Variants in ZCWPW2 observed in about 807,000 individuals in gnomAD.
The protein encoded by ZCWPW2 is zinc finger CW-type and PWWP domain containing 2.
ZCWPW2 carries 45 observed loss-of-function variants against 46.6 expected under a neutral mutation model. That is an observed-to-expected ratio of 0.96 (90% CI 0.76 to 1.24). The LOEUF is 1.24. ZCWPW2 is among the 50% of genes most tolerant of loss of function. The probability of loss-of-function intolerance (pLI) is 0.00; values close to 1 mark genes in which losing one functional copy is unlikely to be tolerated. For missense variants in ZCWPW2, 429 were observed against 403.9 expected, an observed-to-expected ratio of 1.06 and a Z score of -0.53; for synonymous variants, 152 against 137.1, an observed-to-expected ratio of 1.11 and a Z score of -0.76.
chr3:28,491,203 G>A (rs1356349756), intron 5 of ZCWPW2, among the ~76,000 whole-genome samples: 1 of 152,066 alleles, frequency 6.6e-6, no homozygotes, highest in Non-Finnish European at 1.5e-5. Context: ...GAGAGAAAGG[G>A]TGTTCCAGAA....
chr3:28,489,823 T>G (rs1334975018), intron 5 of ZCWPW2, among the ~76,000 whole-genome samples: 2 of 152,092 alleles, frequency 1.3e-5, no homozygotes, highest in African/African-American at 4.8e-5. Flanking sequence ...AATATTCTAG[T>G]GAGGTAATCA....
At chr3:28,411,788 TA>T (rs1489433674) in intron 2 of ZCWPW2, among the ~76,000 whole-genome samples, 1 of 152,090 alleles carries the variant, frequency 6.6e-6, no homozygotes, top group African/African-American at 2.4e-5. Flanking sequence ...TTAAACACAT[TA>T]AAACAAATAT....
At chr3:28,369,101 C>T (rs957707637) in intron 1 of ZCWPW2, among the ~76,000 whole-genome samples, 6 of 151,996 alleles carry the variant, frequency 3.9e-5, no homozygotes, top group Non-Finnish European at 1.5e-5. Context: ...GTGATGGGTT[C>T]GAACTTCCTC....
intron 6 of ZCWPW2, among the ~76,000 whole-genome samples, chr3:28,496,181 G>A (rs1470707966): frequency 1.3e-5 from 2 of 151,990 alleles, no homozygotes; most frequent in Non-Finnish European, 2.9e-5. Context: ...AAAGGTAAAA[G>A]TGTAGTTACC....
chr3:28,491,983 G>A, intron 5 of ZCWPW2, 144 bp from the exon 6 acceptor site: 1 of 726,140 alleles, frequency 1.4e-6, no homozygotes, highest in East Asian at 3.0e-5. Flanking sequence ...CAGTTTACTA[G>A]CATATTAATT....
At chr3:28,385,887 T>C (rs1369054220) in intron 1 of ZCWPW2, among the ~76,000 whole-genome samples, 1 of 152,194 alleles carries the variant, frequency 6.6e-6, no homozygotes, top group African/African-American at 2.4e-5. Context: ...TAACGTAACC[T>C]TTTATTTTCT....
chr3:28,356,222 G>C (rs1472859111), intron 1 of ZCWPW2, among the ~76,000 whole-genome samples: 1 of 152,108 alleles, frequency 6.6e-6, no homozygotes, highest in African/African-American at 2.4e-5. Flanking sequence ...AAAAGAAGAC[G>C]TTTATGCAGC....
At chr3:28,420,304 C>T (rs1291548405) in intron 3 of ZCWPW2, among the ~76,000 whole-genome samples, 1 of 151,914 alleles carries the variant, frequency 6.6e-6, no homozygotes, top group African/African-American at 2.4e-5. Flanking sequence ...CTACACACTG[C>T]TTTGAATGTG....
intron 4 of ZCWPW2, among the ~76,000 whole-genome samples, chr3:28,444,437 G>A (rs780090634): frequency 5.3e-5 from 8 of 152,134 alleles, no homozygotes; most frequent in Non-Finnish European, 1.0e-4. Context: ...AGGCAGAAAG[G>A]ATGATGGCAG....
intron 3 of ZCWPW2, among the ~76,000 whole-genome samples, chr3:28,424,498 G>T (rs1464822079): frequency 6.6e-6 from 1 of 152,076 alleles, no homozygotes; most frequent in Admixed American, 6.6e-5. Context: ...GAGGAGATTA[G>T]AACACAGACG....
At chr3:28,447,327 T>C (rs1431225734) in intron 4 of ZCWPW2, among the ~76,000 whole-genome samples, 1 of 152,132 alleles carries the variant, frequency 6.6e-6, no homozygotes, top group African/African-American at 2.4e-5. Context: ...AGGATTTATC[T>C]TGGAATGTAA....
intron 5 of ZCWPW2, among the ~76,000 whole-genome samples, chr3:28,481,993 G>A (rs1003126931): frequency 2.0e-5 from 3 of 151,936 alleles, no homozygotes; most frequent in African/African-American, 7.3e-5. Flanking sequence ...ACACTGACAC[G>A]TCATTGTCAC....
chr3:28,409,626 C>G (rs1696316699), intron 2 of ZCWPW2, among the ~76,000 whole-genome samples: 1 of 152,106 alleles, frequency 6.6e-6, no homozygotes, highest in South Asian at 2.1e-4. Context: ...TGGATTAAAG[C>G]ATTCTGTTAT....
intron 3 of ZCWPW2, among the ~76,000 whole-genome samples, chr3:28,427,641 G>C (rs1432969459): frequency 6.6e-6 from 1 of 152,056 alleles, no homozygotes; most frequent in Non-Finnish European, 1.5e-5. Flanking sequence ...GGTCGTCTCT[G>C]TTTTTATTTA....
chr3:28,464,584 A>C (rs1197796018), intron 4 of ZCWPW2, among the ~76,000 whole-genome samples: 1 of 152,138 alleles, frequency 6.6e-6, no homozygotes, highest in Non-Finnish European at 1.5e-5. Flanking sequence ...AAGACAAATA[A>C]ATATATTTTC....
intron 5 of ZCWPW2, among the ~76,000 whole-genome samples, chr3:28,489,304 G>A (rs758578514): frequency 8.6e-5 from 13 of 151,656 alleles, no homozygotes; most frequent in Non-Finnish European, 1.8e-4. Context: ...CCTTATTAGA[G>A]GTTTTCAAAA....
intron 4 of ZCWPW2, 45 bp from the exon 5 acceptor site, chr3:28,478,769 A>G (rs1220743541): frequency 8.7e-6 from 9 of 1,036,834 alleles, no homozygotes; most frequent in African/African-American, 1.7e-5. Flanking sequence ...AAACAAAGTT[A>G]TATATTTAAA....
intron 2 of ZCWPW2, among the ~76,000 whole-genome samples, chr3:28,405,936 G>T (rs1696140324): frequency 6.6e-6 from 1 of 152,164 alleles, no homozygotes; most frequent in Non-Finnish European, 1.5e-5. Context: ...TTCTCAGATG[G>T]AAATAGGAAC....
intron 1 of ZCWPW2, among the ~76,000 whole-genome samples, chr3:28,380,700 T>A (rs1695014707): frequency 6.6e-6 from 1 of 151,766 alleles, no homozygotes; most frequent in African/African-American, 2.4e-5. Context: ...GGTTGAAATC[T>A]TAGTAGTCAA....
Sources: gnomAD v4.1 joint callset for allele counts (sites outside exome capture counted in the v4.1 genomes callset) on GRCh38, gnomAD v4.1.1 for gene constraint, MANE v1.5 for transcripts, NCBI Gene and HGNC (gene_info 2026-07-23, HGNC 2026-07-21) for gene names.